NAALADL2: variants seen among roughly 807,000 people sequenced by gnomAD.
The protein encoded by NAALADL2 is N-acetylated alpha-linked acidic dipeptidase like 2.
A neutral mutation model predicts 87.2 loss-of-function variants in NAALADL2; 76 were observed. That is an observed-to-expected ratio of 0.87 (90% CI 0.72 to 1.05). The LOEUF (loss-of-function observed/expected upper bound fraction) is 1.05. Among genes scored for constraint, NAALADL2 ranks in the 50% least tolerant of loss-of-function variants. The pLI, the probability that NAALADL2 is intolerant of heterozygous loss-of-function variation, is 0.00. For missense variants in NAALADL2, 1,089 were observed against 945.8 expected (o/e 1.15, Z -1.99); for synonymous variants, 354 against 331.0 (o/e 1.07, Z -0.75).
intron 1 of NAALADL2, among the ~76,000 whole-genome samples, chr3:174,885,876 G>GTTTTTTTT: frequency 9.8e-6 from 1 of 101,692 alleles, no homozygotes; most frequent in Non-Finnish European, 2.0e-5. Context: ...AGTCCGAGTT[G>GTTTTTTTT]TTTTTTTTTT....
intron 2 of NAALADL2, among the ~76,000 whole-genome samples, chr3:174,672,435 A>T (rs1346841062): frequency 6.8e-6 from 1 of 147,304 alleles, no homozygotes; most frequent in African/African-American, 2.5e-5. Flanking sequence ...ATTCTATCAT[A>T]TGGAAATAGA....
chr3:175,391,316 C>A (rs61450676), intron 5 of NAALADL2, among the ~76,000 whole-genome samples: 3 of 152,038 alleles, frequency 2.0e-5, no homozygotes, highest in Admixed American at 2.0e-4. Flanking sequence ...CTGGAGATTC[C>A]TTTCTAATTA....
At chr3:175,483,442 A>G (rs1424355867) in intron 9 of NAALADL2, among the ~76,000 whole-genome samples, 1 of 150,026 alleles carries the variant, frequency 6.7e-6, no homozygotes, top group Non-Finnish European at 1.5e-5. Flanking sequence ...TCTTCCTTTC[A>G]AGGTACTTAT....
chr3:175,242,348 G>T (rs1460846817), intron 3 of NAALADL2: 1 of 152,144 alleles, frequency 6.6e-6, no homozygotes, highest in Non-Finnish European at 1.5e-5. Flanking sequence ...CAAAATGCCT[G>T]TATTTAAGTA....
At chr3:175,376,207 T>C (rs1767101081) in intron 5 of NAALADL2, among the ~76,000 whole-genome samples, 1 of 152,146 alleles carries the variant, frequency 6.6e-6, no homozygotes, top group Non-Finnish European at 1.5e-5. Flanking sequence ...AATTTCTTCA[T>C]TTCTTTTCGT....
At chr3:174,588,182 A>G (rs931332502) in intron 2 of NAALADL2, among the ~76,000 whole-genome samples, 1 of 152,184 alleles carries the variant, frequency 6.6e-6, no homozygotes, top group Non-Finnish European at 1.5e-5. Context: ...AAGCTTATGC[A>G]TGCGTCACGT....
At chr3:174,663,537 C>G (rs1725695518) in intron 2 of NAALADL2, among the ~76,000 whole-genome samples, 1 of 151,962 alleles carries the variant, frequency 6.6e-6, no homozygotes, top group African/African-American at 2.4e-5. Flanking sequence ...AGGAGCAAGA[C>G]AGAGGGGAGA....
chr3:174,888,113 G>T (rs1730412782), intron 1 of NAALADL2, among the ~76,000 whole-genome samples: 1 of 152,208 alleles, frequency 6.6e-6, no homozygotes, highest in Non-Finnish European at 1.5e-5. Context: ...GAGGATCACG[G>T]GAAAAAAGTA....
At chr3:175,551,692 G>T (rs1714386028) in intron 9 of NAALADL2, among the ~76,000 whole-genome samples, 1 of 152,136 alleles carries the variant, frequency 6.6e-6, no homozygotes, top group South Asian at 2.1e-4. Flanking sequence ...AAGGTCAGGA[G>T]ATCGAGACCA....
chr3:175,102,436 C>T (rs1460386562), intron 2 of NAALADL2, among the ~76,000 whole-genome samples: 2 of 152,122 alleles, frequency 1.3e-5, no homozygotes, highest in Non-Finnish European at 2.9e-5. Context: ...TTTCATTTTT[C>T]ATGTATGAAT....
chr3:174,864,150 A>T (rs1726852750), intron 1 of NAALADL2: 3 of 445,864 alleles, frequency 6.7e-6, no homozygotes, highest in Non-Finnish European at 1.3e-5. Context: ...GACTGGGTAC[A>T]TTTTCCAGGT....
chr3:175,461,403 C>T (rs1158290793), intron 6 of NAALADL2, among the ~76,000 whole-genome samples: 3 of 152,104 alleles, frequency 2.0e-5, no homozygotes, highest in African/African-American at 7.2e-5. Flanking sequence ...TTACAATCCT[C>T]TAGCTAGACA....
At chr3:174,677,117 T>A (rs1470008973) in intron 2 of NAALADL2, among the ~76,000 whole-genome samples, 1 of 151,992 alleles carries the variant, frequency 6.6e-6, no homozygotes, top group African/African-American at 2.4e-5. Flanking sequence ...ATCATATCTA[T>A]CTGCCGCCTT....
intron 4 of NAALADL2, among the ~76,000 whole-genome samples, chr3:175,317,779 T>C (rs139422758): frequency 1.1e-4 from 17 of 152,292 alleles, no homozygotes; most frequent in African/African-American, 3.8e-4. Flanking sequence ...TTTGGGTACA[T>C]TGGTAAATAT....
At chr3:175,089,261 G>A (rs750362430) in intron 1 of NAALADL2, among the ~76,000 whole-genome samples, 1 of 152,166 alleles carries the variant, frequency 6.6e-6, no homozygotes, top group Non-Finnish European at 1.5e-5. Context: ...GAAGGACCCT[G>A]GAGACTCCTG....
At position 174,914,986 on chromosome 3, in the gene NAALADL2, CTT is replaced by C. The variant is rs938495211; in HGVS notation, c.43+55537_43+55538del. Among the ~76,000 whole-genome samples the C allele has an allele frequency of 1.4e-4, 21 of 152,200 alleles. No homozygotes were observed. In the East Asian group the frequency reaches 2.9e-3, roughly 21 times the overall value. On this transcript the variant is annotated intron_variant, in intron 1 of 13. Coordinates refer to ENST00000454872, the MANE Select transcript of NAALADL2 (RefSeq NM_207015.3). The stretch of plus-strand genomic sequence containing the variant: ...ACAGATTTTTATTTTACTTGATAGA[CTT>C]AAATTTAAAAAGTTATACTACAGTT...
chr3:175,639,242 T>G (rs753163929), intron 11 of NAALADL2, among the ~76,000 whole-genome samples: 19 of 152,134 alleles, frequency 1.2e-4, no homozygotes, highest in Non-Finnish European at 2.2e-4. Context: ...TGTTAACTAA[T>G]TACTTCACTT....
At chr3:174,555,996 TGTGTGTGTGTGTGC>T (rs1242610325) in intron 2 of NAALADL2, among the ~76,000 whole-genome samples, 25 of 137,524 alleles carry the variant, frequency 1.8e-4, no homozygotes, top group African/African-American at 6.6e-4. Flanking sequence ...TGTGTGTGTG[TGTGTGTGTGTGTGC>T]GCGCACGTGA....
At chr3:175,048,487 A>G (rs1395757127) in intron 1 of NAALADL2, among the ~76,000 whole-genome samples, 2 of 150,848 alleles carry the variant, frequency 1.3e-5, no homozygotes, top group African/African-American at 4.9e-5. Flanking sequence ...CATTGAAAGT[A>G]GAGATTTAAC....
Sources: allele counts gnomAD v4.1 joint callset (sites outside exome capture counted in the v4.1 genomes callset), GRCh38; gene constraint gnomAD v4.1.1; transcripts MANE v1.5; gene names NCBI Gene and HGNC (gene_info 2026-07-23, HGNC 2026-07-21).